Variants in ENTPD1 observed in about 807,000 individuals in gnomAD.
The protein encoded by ENTPD1 is ectonucleoside triphosphate diphosphohydrolase 1.
A neutral mutation model predicts 57.0 loss-of-function variants in ENTPD1; 33 were observed. The observed-to-expected ratio is 0.58, with a 90% confidence interval of 0.44 to 0.77. The LOEUF is 0.77. Ranked by LOEUF, ENTPD1 falls within the 30% of genes least tolerant of loss-of-function variation. ENTPD1 has a pLI of 0.00. For missense variants in ENTPD1, 501 were observed against 603.4 expected, an observed-to-expected ratio of 0.83 and a Z score of 1.78; for synonymous variants, 202 against 218.8, an observed-to-expected ratio of 0.92 and a Z score of 0.68.
intron 8 of ENTPD1, among the ~76,000 whole-genome samples, chr10:95,861,053 T>C (rs535029703): frequency 5.3e-5 from 8 of 152,340 alleles, no homozygotes; most frequent in Non-Finnish European, 7.3e-5. Context: ...ATGGCCAGGA[T>C]TGACTGGGAA....
chr10:95,800,178 G>A (rs1048480508), intron 1 of ENTPD1, among the ~76,000 whole-genome samples: 4 of 152,040 alleles, frequency 2.6e-5, no homozygotes, highest in African/African-American at 9.7e-5. Flanking sequence ...GTGTTGGCCG[G>A]TCTGAGAAAT....
At chr10:95,743,507 T>G (rs1194406458) in intron 1 of ENTPD1, among the ~76,000 whole-genome samples, 1 of 152,192 alleles carries the variant, frequency 6.6e-6, no homozygotes, top group Non-Finnish European at 1.5e-5. Flanking sequence ...AGTGGAGTAT[T>G]TATGTAACTC....
intron 1 of ENTPD1, among the ~76,000 whole-genome samples, chr10:95,793,581 C>T (rs1265422838): frequency 6.6e-6 from 1 of 152,100 alleles, no homozygotes; most frequent in Non-Finnish European, 1.5e-5. Context: ...AGAGCATCAC[C>T]TAGCAACTTG....
intron 1 of ENTPD1, among the ~76,000 whole-genome samples, chr10:95,715,379 T>C (rs982998508): frequency 6.6e-6 from 1 of 152,206 alleles, no homozygotes; most frequent in Non-Finnish European, 1.5e-5. Context: ...CATATAGCCA[T>C]TCCAGCTCTT....
Position 95,871,365 on chromosome 10 carries a change from T to C in ENTPD1, c.*4982T>C. On this transcript the variant is annotated 3_prime_UTR_variant, in exon 10 of 10. Transcript: ENST00000371205. ...TAAGACATCATCAGTCTGCAACTTC[T>C]TTCCATAGCCTTAATCAGGATGCTG... 1.0e-6 allele frequency: 1 copy of C among 985,456 alleles called. No homozygotes were observed. Among genetic ancestry groups the C allele is most frequent in the Non-Finnish European group, 1.2e-6 (1 of 829,918 alleles). 61.0% of individuals were successfully genotyped at this position (985,456 alleles called of 1,614,324 possible).
chr10:95,726,802 A>G (rs975324108), intron 1 of ENTPD1, among the ~76,000 whole-genome samples: 10 of 152,034 alleles, frequency 6.6e-5, no homozygotes, highest in African/African-American at 2.2e-4. Context: ...TTGAATTTTT[A>G]GGTGTTTGAG....
At chr10:95,714,398 C>G (rs1418495527) in intron 1 of ENTPD1, among the ~76,000 whole-genome samples, 1 of 152,098 alleles carries the variant, frequency 6.6e-6, no homozygotes, top group African/African-American at 2.4e-5. Context: ...AGTTATTTTT[C>G]TTATTTAATT....
chr10:95,847,989 T>C (rs529563636), intron 7 of ENTPD1, among the ~76,000 whole-genome samples: 108 of 152,296 alleles, frequency 7.1e-4, no homozygotes, highest in African/African-American at 2.5e-3. Flanking sequence ...CCCAGGTTCA[T>C]CTCCTTTCTA....
intron 2 of ENTPD1, 110 bp downstream of exon 2, chr10:95,823,474 C>G: frequency 2.6e-6 from 4 of 1,533,616 alleles, no homozygotes; most frequent in Non-Finnish European, 3.6e-6. Flanking sequence ...GAGGTTCTAA[C>G]AGCCCAGGAA....
exon 1 of ENTPD1, chr10:95,711,937 C>G: frequency 3.1e-6 from 5 of 1,612,748 alleles, no homozygotes; most frequent in Non-Finnish European, 4.2e-6. Flanking sequence ...CAAAGCTGCT[C>G]TGTTCTTCTG....
intron 1 of ENTPD1, among the ~76,000 whole-genome samples, chr10:95,738,848 A>G (rs1211067777): frequency 6.6e-6 from 1 of 152,200 alleles, no homozygotes; most frequent in Non-Finnish European, 1.5e-5. Flanking sequence ...GATGAGGAGG[A>G]GAGAAAAAGA....
At chr10:95,854,049 A>G in intron 7 of ENTPD1, among the ~76,000 whole-genome samples, 1 of 152,122 alleles carries the variant, frequency 6.6e-6, no homozygotes, top group Non-Finnish European at 1.5e-5. Context: ...TCGGCTGTGA[A>G]TCCATCTGGT....
intron 1 of ENTPD1, among the ~76,000 whole-genome samples, chr10:95,725,200 G>C (rs2139837424): frequency 6.6e-6 from 1 of 151,904 alleles, no homozygotes; most frequent in Middle Eastern, 3.4e-3. Context: ...ATTTTTATTT[G>C]ATTCTTTGCT....
chr10:95,755,454 G>C (rs2098019885), upstream of ENTPD1: 3 of 518,008 alleles, frequency 5.8e-6, no homozygotes, highest in Non-Finnish European at 1.0e-5. Flanking sequence ...TCTACATTGG[G>C]GTAATCTTGA....
chr10:95,718,069 G>A (rs1448518496), intron 1 of ENTPD1, among the ~76,000 whole-genome samples: 2 of 152,146 alleles, frequency 1.3e-5, no homozygotes, highest in Admixed American at 1.3e-4. Context: ...ATATGATGGG[G>A]CATCAATATT....
At chr10:95,834,765 C>T (rs1463048866) in intron 2 of ENTPD1, among the ~76,000 whole-genome samples, 1 of 151,950 alleles carries the variant, frequency 6.6e-6, no homozygotes, top group African/African-American at 2.4e-5. Flanking sequence ...TCACCAAGGC[C>T]CCTGCATTGG....
chr10:95,769,095 C>T (rs1338708171), intron 1 of ENTPD1, among the ~76,000 whole-genome samples: 1 of 152,128 alleles, frequency 6.6e-6, no homozygotes, highest in African/African-American at 2.4e-5. Flanking sequence ...TCACTCAGAC[C>T]CAGGAAAGAA....
At chr10:95,701,506 C>T in the ENTPD1 span, among the ~76,000 whole-genome samples, 1 of 151,968 alleles carries the variant, frequency 6.6e-6, no homozygotes, top group Non-Finnish European at 1.5e-5. Context: ...TTTTATCATA[C>T]CTCTTCCATA....
chr10:95,837,189 C>T (rs1340524734), intron 2 of ENTPD1, among the ~76,000 whole-genome samples: 2 of 152,192 alleles, frequency 1.3e-5, no homozygotes, highest in Non-Finnish European at 2.9e-5. Context: ...GGAAGAATGA[C>T]TTTCGTATCA....
Sources: gnomAD v4.1 joint callset for allele counts (sites outside exome capture counted in the v4.1 genomes callset) on GRCh38, gnomAD v4.1.1 for gene constraint, MANE v1.5 for transcripts, NCBI Gene and HGNC (gene_info 2026-07-23, HGNC 2026-07-21) for gene names.